The following MIR2052HG variants were observed in gnomAD, a reference collection of about 807,000 sequenced individuals.
MIR2052HG encodes MIR2052 host gene.
intron 2 of MIR2052HG, among the ~76,000 whole-genome samples, chr8:74,664,630 G>C (rs893837711): frequency 6.6e-6 from 1 of 152,054 alleles, no homozygotes; most frequent in Non-Finnish European, 1.5e-5. Context: ...CGATTCTCCT[G>C]CCTCAGCCTC....
At chr8:74,734,847 C>T (rs768627028) in intron 4 of MIR2052HG, among the ~76,000 whole-genome samples, 9 of 152,212 alleles carry the variant, frequency 5.9e-5, no homozygotes, top group Admixed American at 1.3e-4. Context: ...AAAAGTTTAG[C>T]ATACAGCTGA....
intron 3 of MIR2052HG, among the ~76,000 whole-genome samples, chr8:74,703,325 A>G (rs965267261): frequency 2.0e-5 from 3 of 152,074 alleles, no homozygotes; most frequent in African/African-American, 7.2e-5. Flanking sequence ...TCAGTACCAT[A>G]ATAAGTACAT....
chr8:74,618,026 T>G (rs1808309248), intron 2 of MIR2052HG, among the ~76,000 whole-genome samples: 1 of 152,226 alleles, frequency 6.6e-6, no homozygotes, highest in South Asian at 2.1e-4. Context: ...TGCACAAGAC[T>G]CACCTTCTCA....
intron 4 of MIR2052HG, among the ~76,000 whole-genome samples, chr8:74,728,350 T>G (rs1257932071): frequency 6.6e-6 from 1 of 152,202 alleles, no homozygotes; most frequent in Admixed American, 6.5e-5. Flanking sequence ...AATCTGAGAT[T>G]GTCAGAATAA....
intron 2 of MIR2052HG, among the ~76,000 whole-genome samples, chr8:74,686,682 G>C (rs559003816): frequency 6.6e-6 from 1 of 152,172 alleles, no homozygotes; most frequent in East Asian, 1.9e-4. Flanking sequence ...TGAAGGTTAA[G>C]TAAGGCATAT....
intron 4 of MIR2052HG, among the ~76,000 whole-genome samples, chr8:74,732,054 C>T (rs184886366): frequency 1.1e-3 from 165 of 152,170 alleles, no homozygotes; most frequent in Non-Finnish European, 1.9e-3. Flanking sequence ...AAAGGAATGC[C>T]AAGGAGACTA....
At chr8:74,693,274 A>C (rs1323722298) in intron 2 of MIR2052HG, among the ~76,000 whole-genome samples, 2 of 152,192 alleles carry the variant, frequency 1.3e-5, no homozygotes, top group Non-Finnish European at 2.9e-5. Context: ...CCCTGTGGGC[A>C]CTCTGGGTCC....
chr8:74,688,046 G>A (rs1367175968), intron 2 of MIR2052HG, among the ~76,000 whole-genome samples: 1 of 152,124 alleles, frequency 6.6e-6, no homozygotes, highest in Non-Finnish European at 1.5e-5. Flanking sequence ...TCTTCAAAAA[G>A]GCTGATCACT....
rs1324489681 is a variant in MIR2052HG, at chr8:74,674,139, TGTGTG to T, written n.217-28239_217-28235del. Among the ~76,000 whole-genome samples the T allele has an allele frequency of 5.7e-4, 30 of 52,534 alleles. No homozygotes were observed. The African/African-American group carries it at 0.017, about 29-fold the overall frequency. 34.5% of individuals were successfully genotyped at this position (52,534 alleles called of 152,430 possible). ...AGACCGGTTATACCAGAGGTTTTTGTGTGTGTGTGTGTGTGTGTGTGTGTGTGTAT... is the reference window on the plus strand; with the variant it reads ...AGACCGGTTATACCAGAGGTTTTTGTTGTGTGTGTGTGTGTGTGTGTGTAT... On this transcript the variant is annotated intron_variant and non_coding_transcript_variant, in intron 2 of 6. Coordinates refer to ENST00000523442, the Ensembl canonical transcript of MIR2052HG.
chr8:74,615,413 G>C (rs1808265410), intron 2 of MIR2052HG, among the ~76,000 whole-genome samples: 1 of 152,176 alleles, frequency 6.6e-6, no homozygotes, highest in African/African-American at 2.4e-5. Context: ...TTGAAGATGA[G>C]GAAAACAGAG....
At chr8:74,735,819 AG>A (rs1289181818) in intron 4 of MIR2052HG, among the ~76,000 whole-genome samples, 3 of 152,202 alleles carry the variant, frequency 2.0e-5, no homozygotes, top group Non-Finnish European at 2.9e-5. Flanking sequence ...AAATCAAAAA[AG>A]GACATTGGTA....
At chr8:74,638,592 A>G (rs1808607372) in intron 2 of MIR2052HG, among the ~76,000 whole-genome samples, 1 of 152,144 alleles carries the variant, frequency 6.6e-6, no homozygotes, top group African/African-American at 2.4e-5. Flanking sequence ...TTTGGGGAGT[A>G]GTGTGGATAC....
At chr8:74,711,966 A>G (rs1391172943) in intron 4 of MIR2052HG, among the ~76,000 whole-genome samples, 1 of 152,112 alleles carries the variant, frequency 6.6e-6, no homozygotes, top group African/African-American at 2.4e-5. Flanking sequence ...GCTTCTGGAG[A>G]GTTCCTTCCA....
chr8:74,609,255 T>C (rs1808156114), intron 1 of MIR2052HG, among the ~76,000 whole-genome samples: 1 of 151,902 alleles, frequency 6.6e-6, no homozygotes, highest in South Asian at 2.1e-4. Context: ...GAGGAAGAAA[T>C]AGATAACCTG....
intron 2 of MIR2052HG, among the ~76,000 whole-genome samples, chr8:74,615,501 A>G (rs1808266861): frequency 6.6e-6 from 1 of 151,650 alleles, no homozygotes; most frequent in Non-Finnish European, 1.5e-5. Flanking sequence ...TACTGTATCC[A>G]CTCTTCAAAC....
intron 2 of MIR2052HG, among the ~76,000 whole-genome samples, chr8:74,645,130 A>G (rs1463201704): frequency 6.6e-6 from 1 of 152,184 alleles, no homozygotes; most frequent in African/African-American, 2.4e-5. Context: ...GAAATGTACT[A>G]TGGGGTGGAA....
chr8:74,613,626 C>T (rs1808232888), intron 2 of MIR2052HG, among the ~76,000 whole-genome samples: 1 of 152,148 alleles, frequency 6.6e-6, no homozygotes, highest in Non-Finnish European at 1.5e-5. Flanking sequence ...GCTGGGATTA[C>T]AGGCACCCAC....
At chr8:74,749,250 T>C (rs953697796) in intron 4 of MIR2052HG, among the ~76,000 whole-genome samples, 1 of 152,146 alleles carries the variant, frequency 6.6e-6, no homozygotes, top group Non-Finnish European at 1.5e-5. Context: ...AAATCCCAAA[T>C]GACAAAACCA....
intron 4 of MIR2052HG, among the ~76,000 whole-genome samples, chr8:74,740,616 C>T (rs1809815869): frequency 1.3e-5 from 2 of 152,188 alleles, no homozygotes; most frequent in Admixed American, 1.3e-4. Flanking sequence ...AATTCCACAG[C>T]CACTAGGATA....
Sources: gnomAD v4.1 joint callset for allele counts (sites outside exome capture counted in the v4.1 genomes callset) on GRCh38, gnomAD v4.1.1 for gene constraint, MANE v1.5 for transcripts, NCBI Gene and HGNC (gene_info 2026-07-23, HGNC 2026-07-21) for gene names.